Variants in CACNA1E observed in about 807,000 individuals in gnomAD.
The protein encoded by CACNA1E is voltage-dependent R-type calcium channel subunit alpha-1E.
In CACNA1E, 40 loss-of-function variants were observed where a neutral mutation model predicts 259.2. The ratio of observed to expected loss-of-function variants is 0.15; its 90% CI spans 0.12 to 0.20. CACNA1E has a LOEUF of 0.20. CACNA1E is among the 10% of genes least tolerant of loss of function. The pLI is 1.00. For missense variants in CACNA1E, 1,874 were observed against 3,040.1 expected, an observed-to-expected ratio of 0.62 and a Z score of 9.02; for synonymous variants, 1,104 against 1,138.5, an observed-to-expected ratio of 0.97 and a Z score of 0.61.
intron 3 of CACNA1E, among the ~76,000 whole-genome samples, chr1:181,577,347 G>A (rs1244440169): frequency 6.6e-6 from 1 of 152,160 alleles, no homozygotes; most frequent in African/African-American, 2.4e-5. Context: ...TTAATCCAGA[G>A]AAATTTCCTG....
upstream of CACNA1E, among the ~76,000 whole-genome samples, chr1:181,480,173 G>C (rs1402062753): frequency 6.6e-6 from 1 of 152,120 alleles, no homozygotes; most frequent in African/African-American, 2.4e-5. Flanking sequence ...TGGGGGATTA[G>C]AGAGTATGAA....
At chr1:181,686,712 G>A (rs1279333491) in intron 7 of CACNA1E, among the ~76,000 whole-genome samples, 1 of 152,132 alleles carries the variant, frequency 6.6e-6, no homozygotes, top group African/African-American at 2.4e-5. Flanking sequence ...ATACAGCTTG[G>A]ATCACTGATA....
intron 2 of CACNA1E, among the ~76,000 whole-genome samples, chr1:181,432,418 G>A (rs1167962690): frequency 6.6e-6 from 1 of 151,818 alleles, no homozygotes; most frequent in African/African-American, 2.4e-5. Flanking sequence ...TGAATCACAT[G>A]TACCCTAAAA....
chr1:181,730,853 G>A (rs1353843709), intron 18 of CACNA1E, among the ~76,000 whole-genome samples: 1 of 152,246 alleles, frequency 6.6e-6, no homozygotes, highest in Non-Finnish European at 1.5e-5. Context: ...GAATCTGAAG[G>A]ATGTGTAGGT....
intron 25 of CACNA1E, among the ~76,000 whole-genome samples, chr1:181,745,734 C>T (rs937358448): frequency 1.3e-5 from 2 of 152,072 alleles, no homozygotes; most frequent in Admixed American, 6.6e-5. Context: ...GGGTGGACTT[C>T]CACCAGCTCC....
At chr1:181,381,325 G>C (rs1003492505) in intron 1 of CACNA1E, among the ~76,000 whole-genome samples, 12 of 152,146 alleles carry the variant, frequency 7.9e-5, no homozygotes, top group Non-Finnish European at 1.5e-4. Context: ...CAATAAAAAG[G>C]GATGAACTAT....
intron 2 of CACNA1E, among the ~76,000 whole-genome samples, chr1:181,421,043 G>C (rs571580431): frequency 1.3e-5 from 2 of 152,062 alleles, no homozygotes; most frequent in Non-Finnish European, 2.9e-5. Context: ...TTTCATATTG[G>C]GAAACTGAGG....
chr1:181,556,817 G>A (rs1648772637), intron 3 of CACNA1E, among the ~76,000 whole-genome samples: 1 of 152,204 alleles, frequency 6.6e-6, no homozygotes, highest in Non-Finnish European at 1.5e-5. Context: ...AGTGTGTTCA[G>A]TGTGGCTGCT....
intron 7 of CACNA1E, among the ~76,000 whole-genome samples, chr1:181,681,760 G>A (rs1271777347): frequency 2.0e-5 from 3 of 152,142 alleles, no homozygotes; most frequent in African/African-American, 4.8e-5. Flanking sequence ...TAACTTCATT[G>A]ACTCTGTTTT....
At position 181,798,744 on chromosome 1, in the gene CACNA1E, G is replaced by A. The variant is rs1662043934; in HGVS notation, c.6852G>A (p.Arg2284=). The stretch of plus-strand genomic sequence containing the variant: ...GGCAGATGCCCAACGGGCACTATCG[G>A]CGGCGGAGGCGCGGGGGGCCTGGGC... ...HSWQMPNGHY[R]RRRRGGPGPG... Residue 2284 remains arginine, a synonymous_variant, in exon 48 of 48, where the codon CGG becomes CGA. Coordinates refer to ENST00000367573, the MANE Select transcript of CACNA1E (RefSeq NM_001205293.3). This position sits in a 1 kb window ranked among gnomAD's most constrained non-coding sequence, Gnocchi z 4.2. The A allele has an allele frequency of 2.5e-6, 4 of 1,605,562 alleles. No homozygotes were observed. The highest frequency in any genetic ancestry group is 4.5e-5 in the East Asian group (2 of 44,704).
chr1:181,667,223 A>G (rs1391734017), intron 7 of CACNA1E, among the ~76,000 whole-genome samples: 1 of 152,142 alleles, frequency 6.6e-6, no homozygotes, highest in Non-Finnish European at 1.5e-5. Flanking sequence ...CCAGACAGAA[A>G]ATGAGGATTT....
chr1:181,573,250 A>G (rs909401255), intron 3 of CACNA1E, among the ~76,000 whole-genome samples: 1 of 152,220 alleles, frequency 6.6e-6, no homozygotes, highest in Non-Finnish European at 1.5e-5. Flanking sequence ...GGTGTTTCCC[A>G]TTCTCATAGC....
intron 3 of CACNA1E, among the ~76,000 whole-genome samples, chr1:181,552,140 C>G (rs998541483): frequency 6.6e-6 from 1 of 152,214 alleles, no homozygotes; most frequent in Admixed American, 6.5e-5. Context: ...GAATGAACCA[C>G]AGTACTCGAC....
upstream of CACNA1E, among the ~76,000 whole-genome samples, chr1:181,479,181 GGCTGGCT>G (rs1663065094): frequency 6.6e-6 from 1 of 152,120 alleles, no homozygotes; most frequent in Non-Finnish European, 1.5e-5. Flanking sequence ...CTGTGAGATG[GGCTGGCT>G]GCATTGTGGT....
At chr1:181,710,900 C>A in intron 7 of CACNA1E, 54 bp from the exon 8 acceptor site, 1 of 1,235,130 alleles carries the variant, frequency 8.1e-7, no homozygotes, top group Middle Eastern at 1.9e-4. Flanking sequence ...TTCACTCTTT[C>A]CCTTAGTCAT....
chr1:181,437,886 A>C (rs189636050), intron 2 of CACNA1E, among the ~76,000 whole-genome samples: 1 of 152,140 alleles, frequency 6.6e-6, no homozygotes, highest in African/African-American at 2.4e-5. Context: ...TTCAGCCTTC[A>C]TCTCTCCTCT....
Position 181,365,958 on chromosome 1 carries a change from A to T in CACNA1E, c.-14-47175A>T, listed in dbSNP as rs954367187. On this transcript the variant is annotated intron_variant, in intron 1 of 11. Transcript: ENST00000524607. ...AGCACAAGTGAGATGGTTCTTGGGG[A>T]CCTTCTGCTGTAACTGGGGAGATGT... 3.3e-5 allele frequency among the ~76,000 whole-genome samples: 5 copies of T among 152,162 alleles called. No homozygotes were observed. The East Asian group carries it at 9.7e-4, about 29-fold the overall frequency.
rs541662538 is a variant in CACNA1E, at chr1:181,616,984, C to T, written c.952-34354C>T. Among the ~76,000 whole-genome samples, 19 of 152,230 alleles carry T rather than the reference C, an allele frequency of 1.2e-4. No individual in the cohort carries two copies. The South Asian group carries it at 3.7e-3, about 30-fold the overall frequency. ...AAAGCTCATAATGTCTCCTTATTAT[C>T]TTTTAAAACATTCATAGGATCTGTA... On this transcript the variant is annotated intron_variant, in intron 6 of 47. Coordinates refer to ENST00000367573, the MANE Select transcript of CACNA1E (RefSeq NM_001205293.3).
At chr1:181,449,209 C>A (rs766833277) in intron 2 of CACNA1E, among the ~76,000 whole-genome samples, 4 of 152,142 alleles carry the variant, frequency 2.6e-5, no homozygotes, top group Admixed American at 6.5e-5. Flanking sequence ...TGGAAGCTCA[C>A]GTTTCCAAGC....
Sources: allele counts gnomAD v4.1 joint callset (sites outside exome capture counted in the v4.1 genomes callset), GRCh38; gene constraint gnomAD v4.1.1; non-coding constraint Gnocchi (gnomAD v3.1); transcripts MANE v1.5; gene names NCBI Gene and HGNC (gene_info 2026-07-23, HGNC 2026-07-21).